HIVEP3: variants seen among roughly 807,000 people sequenced by gnomAD.
HIVEP3 encodes HIVEP zinc finger 3, also known as transcription factor HIVEP3.
A neutral mutation model predicts 152.8 loss-of-function variants in HIVEP3; 49 were observed. The observed-to-expected ratio is 0.32, with a 90% CI of 0.26 to 0.41. The LOEUF (loss-of-function observed/expected upper bound fraction) is 0.41. HIVEP3 is among the 10% of genes least tolerant of loss of function. The pLI is 1.00. For synonymous variants in HIVEP3, 1,269 were observed against 1,289.0 expected (o/e 0.98, Z 0.33); for missense variants, 2,790 against 3,103.3 (o/e 0.90, Z 2.40).
chr1:41,774,753 T>C (rs1388674177), intron 1 of HIVEP3, among the ~76,000 whole-genome samples: 1 of 151,878 alleles, frequency 6.6e-6, no homozygotes, highest in Non-Finnish European at 1.5e-5. Context: ...TTCACTTAAG[T>C]TTTCACAAGC....
chr1:41,861,764 T>G (rs1434848276), intron 1 of HIVEP3, among the ~76,000 whole-genome samples: 1 of 152,210 alleles, frequency 6.6e-6, no homozygotes, highest in African/African-American at 2.4e-5. Context: ...TCCAATAAGC[T>G]GCAGGGAGCA....
chr1:41,656,021 T>C (rs1645623944), intron 2 of HIVEP3, among the ~76,000 whole-genome samples: 1 of 152,050 alleles, frequency 6.6e-6, no homozygotes, highest in Non-Finnish European at 1.5e-5. Flanking sequence ...GGGTCTTCTT[T>C]AAGAAAAAAA....
chr1:41,627,402 T>C (rs1436498639), intron 3 of HIVEP3, among the ~76,000 whole-genome samples: 5 of 152,136 alleles, frequency 3.3e-5, no homozygotes, highest in African/African-American at 9.7e-5. Flanking sequence ...GTCTACACTG[T>C]TAAGTACCAC....
Position 41,585,236 on chromosome 1 carries a change from C to T in HIVEP3, c.-439G>A, listed in dbSNP as rs189237435. On this transcript the variant is annotated 5_prime_UTR_variant, in exon 4 of 9. In the 5' UTR this introduces an upstream ATG that the reference lacks. Transcript: ENST00000372583. Reference sequence around the variant, plus strand: ...CCTGGTCCTGGCACAAGAGATGCCACGCTGGATGCTGGGGGTGGCTCTTCT... The same window carrying T: ...CCTGGTCCTGGCACAAGAGATGCCATGCTGGATGCTGGGGGTGGCTCTTCT... 7 of 398,830 alleles carry T rather than the reference C, an allele frequency of 1.8e-5. No homozygotes were observed. Among genetic ancestry groups the T allele is most frequent in the Non-Finnish European group, 2.7e-5 (6 of 226,164 alleles). The allele number at this position is 398,830 out of a possible 1,614,324, so 24.7% of individuals were successfully genotyped here.
chr1:41,667,454 C>A (rs1408714833), intron 2 of HIVEP3, among the ~76,000 whole-genome samples: 1 of 152,256 alleles, frequency 6.6e-6, no homozygotes, highest in Non-Finnish European at 1.5e-5. Context: ...GCTCAGCAGG[C>A]CCCAGGTGGG....
At chr1:41,641,940 C>T (rs1645380041) in intron 2 of HIVEP3, among the ~76,000 whole-genome samples, 1 of 152,208 alleles carries the variant, frequency 6.6e-6, no homozygotes, top group Non-Finnish European at 1.5e-5. Context: ...TCCGGGCCTC[C>T]GTGAACTATC....
intron 5 of HIVEP3, among the ~76,000 whole-genome samples, chr1:41,574,275 A>G (rs143110673): frequency 3.3e-5 from 5 of 152,276 alleles, no homozygotes; most frequent in African/African-American, 1.2e-4. Flanking sequence ...GAGACACACG[A>G]GGGCGCTCTA....
chr1:41,811,447 C>T (rs1199407526), intron 1 of HIVEP3, among the ~76,000 whole-genome samples: 6 of 151,868 alleles, frequency 4.0e-5, no homozygotes, highest in Non-Finnish European at 7.4e-5. Flanking sequence ...ACAATAACAA[C>T]GAATGCTTCT....
At chr1:42,028,641 G>A (rs893598529) in intron 1 of HIVEP3, among the ~76,000 whole-genome samples, 6 of 152,302 alleles carry the variant, frequency 3.9e-5, no homozygotes, top group Middle Eastern at 3.4e-3. Flanking sequence ...GGGAATGTGA[G>A]TGTGTCTGTT....
chr1:41,731,964 G>C lies in HIVEP3; in HGVS notation c.-800-30969C>G, dbSNP rs113433001. On this transcript the variant is annotated intron_variant, in intron 1 of 8. Coordinates refer to ENST00000372583, the MANE Select transcript of HIVEP3 (RefSeq NM_024503.5). ...ACAAGTGAATGATTCCCCTGACCGA[G>C]TGTTTCTCTATGGAAGGGTCTGGCA... Among the ~76,000 whole-genome samples, 10 of 152,386 alleles carry C rather than the reference G, an allele frequency of 6.6e-5. 1 individual carries two copies. The highest frequency in any genetic ancestry group is 2.4e-4 in the African/African-American group (10 of 41,598).
rs145756284 is a variant in HIVEP3, at chr1:41,554,058, G to C, written c.5207+21486C>G. Among the ~76,000 whole-genome samples, 660 of 152,200 alleles carry C rather than the reference G, an allele frequency of 4.3e-3. 3 individuals are homozygous for C. Among genetic ancestry groups the C allele is most frequent in the African/African-American group, 0.015 (622 of 41,516 alleles). ...ATGTTGGCCCTGCCTTGCTAGGTTG[G>C]GGAAGTTCTCCTGGATAATATCCTG... On this transcript the variant is annotated intron_variant, in intron 5 of 8. Transcript: ENST00000372583.
intron 1 of HIVEP3, among the ~76,000 whole-genome samples, chr1:41,972,091 A>G (rs546942668): frequency 2.0e-5 from 3 of 152,338 alleles, no homozygotes; most frequent in South Asian, 4.1e-4. Flanking sequence ...ATTTTATTAT[A>G]GCAGCACAAA....
intron 1 of HIVEP3, among the ~76,000 whole-genome samples, chr1:41,807,608 G>A (rs1650712173): frequency 6.6e-6 from 1 of 152,206 alleles, no homozygotes; most frequent in African/African-American, 2.4e-5. Context: ...CCAGCAAGGT[G>A]TGAGCCAGAA....
Position 41,583,318 on chromosome 1 carries a change from G to A in HIVEP3, c.1480C>T (p.Arg494Cys), listed in dbSNP as rs1438448679. Residue 494 changes from arginine (R) to cysteine (C), a missense_variant, in exon 4 of 9, where the codon CGC (arginine) becomes TGC (cysteine). This residue lies in a region of HIVEP3 where 134 missense variants were observed against 242.5 expected (regional missense o/e 0.55). Coordinates refer to ENST00000372583, the MANE Select transcript of HIVEP3 (RefSeq NM_024503.5). This position sits in a 1 kb window ranked among gnomAD's most constrained non-coding sequence, Gnocchi z 6.9. ...VKPRRSSLSR[R>C]SSMESPKSSL... ...GATTTTGGGGACTCCATGCTGCTGC[G>A]CCTGGACAGTGAGCTCCGCCTTGGC... The A allele has an allele frequency of 5.0e-6, 8 of 1,611,050 alleles. No individual in the cohort carries two copies. Among genetic ancestry groups the A allele is most frequent in the African/African-American group, 4.0e-5 (3 of 74,882 alleles).
At chr1:41,729,370 T>C (rs959698728) in intron 1 of HIVEP3, among the ~76,000 whole-genome samples, 5 of 152,242 alleles carry the variant, frequency 3.3e-5, no homozygotes, top group African/African-American at 1.2e-4. Context: ...ACTGCTCATC[T>C]GCAAAACTGG....
intron 1 of HIVEP3, among the ~76,000 whole-genome samples, chr1:41,804,427 T>C (rs1200635722): frequency 6.6e-6 from 1 of 152,248 alleles, no homozygotes; most frequent in East Asian, 1.9e-4. Flanking sequence ...ACCTGCCAGA[T>C]AAGGCTGGCT....
chr1:41,554,244 T>C (rs1293474009), intron 5 of HIVEP3, among the ~76,000 whole-genome samples: 2 of 152,248 alleles, frequency 1.3e-5, no homozygotes, highest in East Asian at 3.8e-4. Flanking sequence ...TTTTCATTAA[T>C]TTGATCTTCA....
intron 3 of HIVEP3, among the ~76,000 whole-genome samples, chr1:41,617,948 A>T (rs1447468462): frequency 6.6e-6 from 1 of 152,200 alleles, no homozygotes; most frequent in Non-Finnish European, 1.5e-5. Flanking sequence ...CTCACATGTC[A>T]TTGGGTGTGT....
At chr1:41,845,137 G>T (rs1383025466) in intron 1 of HIVEP3, among the ~76,000 whole-genome samples, 1 of 152,088 alleles carries the variant, frequency 6.6e-6, no homozygotes, top group East Asian at 1.9e-4. Context: ...AATTTCCCTT[G>T]ATAGTCCCCA....
Sources: allele counts gnomAD v4.1 joint callset (sites outside exome capture counted in the v4.1 genomes callset), GRCh38; gene constraint gnomAD v4.1.1; regional missense constraint gnomAD v4.1.1; non-coding constraint Gnocchi (gnomAD v3.1); transcripts MANE v1.5; gene names NCBI Gene and HGNC (gene_info 2026-07-23, HGNC 2026-07-21).